AFF2: variants seen among roughly 807,000 people sequenced by gnomAD.
The protein encoded by AFF2 is ALF transcription elongation factor 2.
Under a neutral mutation model 76.9 loss-of-function variants are expected in AFF2, and 14 were observed. The ratio of observed to expected loss-of-function variants is 0.18; its 90% confidence interval spans 0.12 to 0.28. AFF2 has a LOEUF of 0.28. Ranked by LOEUF, AFF2 falls within the 10% of genes least tolerant of loss-of-function variation. The pLI is 1.00. For synonymous variants in AFF2, 398 were observed against 366.7 expected, an observed-to-expected ratio of 1.09 and a Z score of -0.98; for missense variants, 868 against 1,001.1, an observed-to-expected ratio of 0.87 and a Z score of 1.79.
At chrX:148,806,095 G>A (rs1557271311) in intron 3 of AFF2, among the ~76,000 whole-genome samples, 1 of 112,816 alleles carries the variant, frequency 8.9e-6, no homozygotes, top group African/African-American at 3.2e-5. Flanking sequence ...AACTCAACGG[G>A]CAGCAGTTCT....
At chrX:148,816,913 G>T (rs1429861529) in intron 4 of AFF2, among the ~76,000 whole-genome samples, 2 of 67,630 alleles carry the variant, frequency 3.0e-5, no homozygotes, top group African/African-American at 1.1e-4. Flanking sequence ...TAATAAAAAA[G>T]AATCACCACA....
In AFF2 at chrX:148,999,502, T is replaced by C. The variant is rs2072649572; in HGVS notation, c.*8170T>C. Reference sequence around the variant, plus strand: ...AATTTAATTGTCATCATATGCTTTGTGTGTGGGGATGCTTACCAACACCAT... The same window carrying C: ...AATTTAATTGTCATCATATGCTTTGCGTGTGGGGATGCTTACCAACACCAT... On this transcript the variant is annotated 3_prime_UTR_variant, in exon 21 of 21. Transcript: ENST00000370460. 1 of 112,507 alleles carries C rather than the reference T, an allele frequency of 8.9e-6. No individual in the cohort carries two copies. The highest frequency in any genetic ancestry group is 9.3e-5 in the Admixed American group (1 of 10,703). The allele number at this position is 112,507 out of a possible 1,213,427, so 9.3% of individuals were successfully genotyped here. A position where few individuals can be genotyped will look rare whatever the true frequency, so the allele number is the denominator to read the frequency against.
intron 3 of AFF2, among the ~76,000 whole-genome samples, chrX:148,803,852 T>C (rs184373172): frequency 9.2e-6 from 1 of 108,407 alleles, no homozygotes; most frequent in Non-Finnish European, 1.9e-5. Context: ...TCATTCCCAC[T>C]CTCCCTTATC....
Position 148,662,104 on chromosome X carries a change from A to T in AFF2, c.377A>T (p.His126Leu). The T allele has an allele frequency of 8.3e-7, 1 of 1,207,894 alleles. No individual in the cohort carries two copies. The highest frequency in any genetic ancestry group is 1.1e-6 in the Non-Finnish European group (1 of 892,003). Residue 126 changes from histidine to leucine, a missense_variant, in exon 3 of 21, where the codon CAC (histidine) becomes CTC (leucine). Physicochemically the swap from His to Leu is moderately conservative, Grantham distance 99. Transcript: ENST00000370460. ...PEQKNRIIPP[H>L]QDNTHPSAPM... Reference sequence around the variant, plus strand: ...CAAAAGAACAGAATAATTCCACCTCACCAGGATAATACCCATCCTTCAGCA... The same window carrying T: ...CAAAAGAACAGAATAATTCCACCTCTCCAGGATAATACCCATCCTTCAGCA...
intron 3 of AFF2, among the ~76,000 whole-genome samples, chrX:148,709,511 G>C (rs1235654111): frequency 8.9e-6 from 1 of 112,383 alleles, no homozygotes; most frequent in Non-Finnish European, 1.9e-5. Flanking sequence ...ATCTCATAGA[G>C]TTACAGTATA....
At chrX:148,781,865 CA>C (rs782493323) in intron 3 of AFF2, among the ~76,000 whole-genome samples, 115 of 111,861 alleles carry the variant, frequency 1.0e-3, no homozygotes, top group South Asian at 6.0e-3. Flanking sequence ...CTGTGGGTTG[CA>C]AAGACCATGG....
chrX:148,693,407 G>T (rs1557260942), intron 3 of AFF2, among the ~76,000 whole-genome samples: 3 of 112,048 alleles, frequency 2.7e-5, no homozygotes, highest in Non-Finnish European at 5.6e-5. Flanking sequence ...TCAGAAAGAG[G>T]CAGGGATCTG....
chrX:148,902,113 C>T lies in AFF2; in HGVS notation c.1360-2108C>T, dbSNP rs1557280953. ...AACTGGCCTCAAACATGATCACGTT[C>T]CTCCTGATCAGAGAAAAATAACTGG... On this transcript the variant is annotated intron_variant, in intron 8 of 20. Coordinates refer to ENST00000370460, the MANE Select transcript of AFF2 (RefSeq NM_002025.4). Among the ~76,000 whole-genome samples, 4 of 112,194 alleles carry T rather than the reference C, an allele frequency of 3.6e-5. No homozygotes were observed. The South Asian group carries it at 1.1e-3, about 31-fold the overall frequency.
At chrX:148,883,318 CT>C (rs1178745761) in intron 7 of AFF2, among the ~76,000 whole-genome samples, 6 of 111,775 alleles carry the variant, frequency 5.4e-5, no homozygotes, top group African/African-American at 2.0e-4. Flanking sequence ...CTTCTGATTA[CT>C]TTTTAATAGT....
chrX:148,844,457 A>G (rs1182444192), intron 7 of AFF2, among the ~76,000 whole-genome samples: 2 of 112,182 alleles, frequency 1.8e-5, no homozygotes, highest in Non-Finnish European at 3.8e-5. Context: ...CATATTAACT[A>G]TTGTAGATTT....
chrX:148,780,248 T>C (rs1177283825), intron 3 of AFF2, among the ~76,000 whole-genome samples: 1 of 111,343 alleles, frequency 9.0e-6, no homozygotes, highest in African/African-American at 3.3e-5. Flanking sequence ...TCTCAAGGAG[T>C]ATCTTAGCAG....
intron 3 of AFF2, among the ~76,000 whole-genome samples, chrX:148,799,656 A>T (rs1439583932): frequency 8.9e-6 from 1 of 112,438 alleles, no homozygotes; most frequent in Non-Finnish European, 1.9e-5. Context: ...ACATGCCATG[A>T]CAGTTAATAG....
intron 1 of AFF2, among the ~76,000 whole-genome samples, chrX:148,548,918 C>G (rs1287905186): frequency 8.9e-6 from 1 of 112,379 alleles, no homozygotes. Context: ...CATCTTTAAT[C>G]ATTTTTAAAG....
At chrX:148,881,088 G>A (rs1333885724) in intron 7 of AFF2, among the ~76,000 whole-genome samples, 1 of 111,851 alleles carries the variant, frequency 8.9e-6, no homozygotes, top group Admixed American at 9.5e-5. Context: ...ATTGCAGCTA[G>A]CACCATAGAT....
intron 1 of AFF2, among the ~76,000 whole-genome samples, chrX:148,577,747 G>T (rs1176590904): frequency 3.6e-5 from 4 of 111,975 alleles, no homozygotes; most frequent in African/African-American, 1.3e-4. Context: ...CGGAGCTCCA[G>T]ATTTTTCTCT....
intron 3 of AFF2, among the ~76,000 whole-genome samples, chrX:148,727,690 A>G (rs2124548889): frequency 8.9e-6 from 1 of 111,996 alleles, no homozygotes; most frequent in African/African-American, 3.2e-5. Flanking sequence ...TTAAAGATAG[A>G]TATTCTGACT....
chrX:148,785,930 G>C (rs1372917943), intron 3 of AFF2, among the ~76,000 whole-genome samples: 2 of 111,560 alleles, frequency 1.8e-5, no homozygotes, highest in Non-Finnish European at 1.9e-5. Context: ...ATCACTGTTG[G>C]ACAAGGAACA....
intron 9 of AFF2, among the ~76,000 whole-genome samples, chrX:148,942,299 G>A (rs1201982056): frequency 9.1e-6 from 1 of 109,792 alleles, no homozygotes; most frequent in African/African-American, 3.3e-5. Context: ...TCGCATTTCT[G>A]TTGGGAATAA....
At chrX:148,781,147 G>C (rs1043884291) in intron 3 of AFF2, among the ~76,000 whole-genome samples, 7 of 111,979 alleles carry the variant, frequency 6.3e-5, no homozygotes, top group Admixed American at 9.5e-5. Flanking sequence ...GCACCCGCCA[G>C]ATTCCAGCTG....
Sources: allele counts gnomAD v4.1 joint callset (sites outside exome capture counted in the v4.1 genomes callset), GRCh38; gene constraint gnomAD v4.1.1; transcripts MANE v1.5; gene names NCBI Gene and HGNC (gene_info 2026-07-23, HGNC 2026-07-21).